The following NBEA variants were observed in gnomAD, a reference collection of about 807,000 sequenced individuals.
NBEA encodes the protein neurobeachin, also known as lysosomal-trafficking regulator 2.
NBEA carries 44 observed loss-of-function variants against 343.4 expected under a neutral mutation model. The ratio of observed to expected loss-of-function variants is 0.13; its 90% CI spans 0.10 to 0.16. The LOEUF (loss-of-function observed/expected upper bound fraction) is 0.16. Ranked by LOEUF, NBEA falls within the 10% of genes least tolerant of loss-of-function variation. The pLI is 1.00. For synonymous variants in NBEA, 1,175 were observed against 1,238.7 expected (o/e 0.95, Z 1.08); for missense variants, 2,555 against 3,631.3 (o/e 0.70, Z 7.62).
chr13:35,517,168 A>AGGAC (rs1228556075), intron 41 of NBEA, among the ~76,000 whole-genome samples: 2 of 152,088 alleles, frequency 1.3e-5, no homozygotes, highest in African/African-American at 4.8e-5. Context: ...CGAAATCCTA[A>AGGAC]ACATGCTTCC....
chr13:35,149,277 A>C (rs1486067330), intron 18 of NBEA, among the ~76,000 whole-genome samples: 2 of 152,082 alleles, frequency 1.3e-5, no homozygotes, highest in Admixed American at 6.6e-5. Context: ...TTATTCTGAT[A>C]TTGTATTTCC....
intron 8 of NBEA, among the ~76,000 whole-genome samples, chr13:35,065,774 T>C (rs1387030368): frequency 3.3e-5 from 5 of 152,130 alleles, no homozygotes; most frequent in African/African-American, 1.2e-4. Flanking sequence ...GAGTAACTAC[T>C]GACATGATGG....
chr13:35,306,738 G>A (rs1594148409), intron 35 of NBEA, among the ~76,000 whole-genome samples: 1 of 152,144 alleles, frequency 6.6e-6, no homozygotes, highest in East Asian at 1.9e-4. Flanking sequence ...TATACGTGGA[G>A]TGTTTTCTTT....
chr13:35,598,943 A>G (rs2081926290), intron 47 of NBEA, among the ~76,000 whole-genome samples: 1 of 152,038 alleles, frequency 6.6e-6, no homozygotes, highest in Non-Finnish European at 1.5e-5. Flanking sequence ...TCCTGAGTTC[A>G]TCTCTCTCTT....
intron 18 of NBEA, among the ~76,000 whole-genome samples, chr13:35,142,904 A>G (rs748950990): frequency 6.6e-6 from 1 of 152,208 alleles, no homozygotes; most frequent in Non-Finnish European, 1.5e-5. Context: ...TTTTGGGTTC[A>G]GTATTTTCTA....
chr13:35,344,331 A>G (rs1206482008), intron 36 of NBEA, among the ~76,000 whole-genome samples: 1 of 152,084 alleles, frequency 6.6e-6, no homozygotes, highest in East Asian at 1.9e-4. Flanking sequence ...TAATGAACTA[A>G]ATCTCTAACT....
At chr13:35,420,577 G>A (rs1254931777) in intron 38 of NBEA, among the ~76,000 whole-genome samples, 3 of 151,960 alleles carry the variant, frequency 2.0e-5, no homozygotes, top group Non-Finnish European at 2.9e-5. Context: ...AAGAGATTAT[G>A]TATAATTGGA....
chr13:35,272,426 G>A (rs1322966494), intron 34 of NBEA, among the ~76,000 whole-genome samples: 1 of 152,078 alleles, frequency 6.6e-6, no homozygotes, highest in Non-Finnish European at 1.5e-5. Context: ...GACCCTCAAC[G>A]CTATGAAGAA....
Position 35,445,782 on chromosome 13 carries a change from TTATATATATA to T in NBEA, c.6305-6284_6305-6275del, listed in dbSNP as rs71081255. ...TGACTTAATTCTAAGATATAAATGT[TTATATATATA>T]TATATATATATATATATATATATAT... On this transcript the variant is annotated intron_variant, in intron 39 of 58. Coordinates refer to ENST00000379939, the MANE Select transcript of NBEA (RefSeq NM_001385012.1). Among the ~76,000 whole-genome samples the T allele has an allele frequency of 7.3e-3, 830 of 113,224 alleles. 9 individuals carry two copies. Among genetic ancestry groups the T allele is most frequent in the African/African-American group, 0.016 (482 of 29,362 alleles). The allele number at this position is 113,224 out of a possible 152,430, so 74.3% of individuals were successfully genotyped here.
At chr13:35,321,347 C>A (rs924793387) in intron 36 of NBEA, among the ~76,000 whole-genome samples, 3 of 152,194 alleles carry the variant, frequency 2.0e-5, no homozygotes, top group Non-Finnish European at 4.4e-5. Flanking sequence ...AAGAGTCAGA[C>A]TTCTCTGCTG....
rs750022912 is a variant in NBEA, at chr13:35,165,138, A to G, written c.4233+629A>G. 6 of 533,408 alleles carry G rather than the reference A, an allele frequency of 1.1e-5. No homozygotes were observed. In the African/African-American group the frequency reaches 1.2e-4, roughly 10 times the overall value. 33.0% of individuals were successfully genotyped at this position (533,408 alleles called of 1,614,324 possible). On this transcript the variant is annotated intron_variant, in intron 24 of 58. Coordinates refer to ENST00000379939, the MANE Select transcript of NBEA (RefSeq NM_001385012.1). Reference sequence around the variant, plus strand: ...AAACTCATCCTTAAGCTCAGAAAGCATACCTTTGCCAGAGGGAAATATTTC... The same window carrying G: ...AAACTCATCCTTAAGCTCAGAAAGCGTACCTTTGCCAGAGGGAAATATTTC...
intron 40 of NBEA, among the ~76,000 whole-genome samples, chr13:35,454,855 G>A (rs899332788): frequency 5.9e-5 from 9 of 151,696 alleles, no homozygotes; most frequent in African/African-American, 9.7e-5. Context: ...ATGAGACTCC[G>A]TCTCAACAAA....
At chr13:35,032,248 C>G (rs2062254134) in intron 1 of NBEA, among the ~76,000 whole-genome samples, 1 of 151,838 alleles carries the variant, frequency 6.6e-6, no homozygotes, top group Non-Finnish European at 1.5e-5. Flanking sequence ...AATGGTAAAA[C>G]TAATTTACAC....
chr13:35,649,948 T>A, intron 52 of NBEA, 101 bp downstream of exon 52: 1 of 1,135,588 alleles, frequency 8.8e-7, no homozygotes, highest in Admixed American at 2.6e-5. Flanking sequence ...TCCCACATTA[T>A]CTACAAAAAA....
At chr13:35,370,524 G>A (rs1371204990) in intron 38 of NBEA, among the ~76,000 whole-genome samples, 3 of 151,948 alleles carry the variant, frequency 2.0e-5, no homozygotes, top group Admixed American at 2.0e-4. Flanking sequence ...TGTGTAATCT[G>A]TTTACATTCA....
intron 45 of NBEA, among the ~76,000 whole-genome samples, chr13:35,575,642 G>T (rs1422407145): frequency 1.3e-5 from 2 of 151,982 alleles, no homozygotes; most frequent in African/African-American, 4.8e-5. Context: ...AAATATTTCA[G>T]TGTGAAAAAT....
intron 48 of NBEA, among the ~76,000 whole-genome samples, chr13:35,617,009 C>T (rs2153057936): frequency 6.6e-6 from 1 of 152,300 alleles, no homozygotes; most frequent in African/African-American, 2.4e-5. Context: ...TCAGTGAAGC[C>T]ACTGTTCCTC....
At chr13:35,165,175 AT>A (rs2069900293) in intron 24 of NBEA, 1 of 525,436 alleles carries the variant, frequency 1.9e-6, no homozygotes, top group Admixed American at 2.0e-5. Context: ...TTTTACTAAG[AT>A]GTGCTTTAGT....
intron 16 of NBEA, 113 bp from the exon 17 acceptor site, chr13:35,123,369 A>T (rs2066904628): frequency 1.9e-6 from 1 of 531,528 alleles, no homozygotes; most frequent in Non-Finnish European, 3.0e-6. Context: ...TCCTGAGAAG[A>T]AAATCTTCAG....
Sources: allele counts gnomAD v4.1 joint callset (sites outside exome capture counted in the v4.1 genomes callset), GRCh38; gene constraint gnomAD v4.1.1; transcripts MANE v1.5; gene names NCBI Gene and HGNC (gene_info 2026-07-23, HGNC 2026-07-21).